The following DNAH14 variants were observed in gnomAD, a reference collection of about 807,000 sequenced individuals.
The protein encoded by DNAH14 is dynein axonemal heavy chain 14.
DNAH14 carries 478 observed loss-of-function variants against 520.9 expected under a neutral mutation model. That is an observed-to-expected ratio of 0.92 (90% confidence interval 0.85 to 0.99). The LOEUF (loss-of-function observed/expected upper bound fraction) is 0.99, where lower values mean the gene tolerates loss of function less well. Ranked by LOEUF, DNAH14 falls within the 50% of genes least tolerant of loss-of-function variation. DNAH14 has a pLI of 0.00. For synonymous variants in DNAH14, 1,581 were observed against 1,757.2 expected (o/e 0.90, Z 2.51); for missense variants, 4,831 against 5,234.5 (o/e 0.92, Z 2.38).
At chr1:225,143,530 A>G (rs1231839836) in intron 28 of DNAH14, among the ~76,000 whole-genome samples, 1 of 152,184 alleles carries the variant, frequency 6.6e-6, no homozygotes, top group East Asian at 1.9e-4. Context: ...ACATGATAGC[A>G]TATGTTGAGA....
chr1:225,315,765 G>A (rs1450654532), intron 60 of DNAH14, among the ~76,000 whole-genome samples: 1 of 152,344 alleles, frequency 6.6e-6, no homozygotes, highest in East Asian at 1.9e-4. Flanking sequence ...ACCAGCGAAG[G>A]CTGCAGAACA....
At chr1:225,221,578 T>G (rs1361461691) in intron 41 of DNAH14, among the ~76,000 whole-genome samples, 1 of 151,976 alleles carries the variant, frequency 6.6e-6, no homozygotes, top group Non-Finnish European at 1.5e-5. Context: ...ATTAGAAAAA[T>G]GCAAATCAAA....
Position 224,964,491 on chromosome 1 carries a change from A to C in DNAH14, c.380A>C (p.Asp127Ala), listed in dbSNP as rs1280864027. 6.2e-7 allele frequency: 1 copy of C among 1,608,730 alleles called. No homozygotes were observed. Among genetic ancestry groups the C allele is most frequent in the African/African-American group, 1.3e-5 (1 of 74,806 alleles). The change falls in exon 5 of 86, where the codon GAT becomes GCT. Residue 127 changes from aspartate (D) to alanine (A), a missense_variant. Physicochemically the swap from Asp to Ala is moderately radical, Grantham distance 126. Coordinates refer to ENST00000682510, the MANE Select transcript of DNAH14 (RefSeq NM_001367479.1). ...TGTTCTATACCAGAACCAAAAGATG[A>C]TGATGTGATAAGAAATATTATTAGG... is the stretch of plus-strand genomic sequence containing the variant. ...VSYDRTEPKD[D>A]DVIRNIIRLR...
At chr1:225,193,695 G>A (rs1484807503) in intron 38 of DNAH14, among the ~76,000 whole-genome samples, 2 of 152,044 alleles carry the variant, frequency 1.3e-5, no homozygotes, top group African/African-American at 2.4e-5. Context: ...GCAATTCCTA[G>A]CCAGAGCAAT....
At chr1:225,096,985 A>T (rs988784261) in intron 21 of DNAH14, 133 bp from the exon 22 acceptor site, 1 of 745,164 alleles carries the variant, frequency 1.3e-6, no homozygotes. Flanking sequence ...GTATTCATTT[A>T]TGTGACTTTC....
chr1:225,381,829 T>A (rs1303717918), intron 81 of DNAH14, among the ~76,000 whole-genome samples: 2 of 152,244 alleles, frequency 1.3e-5, no homozygotes, highest in Non-Finnish European at 2.9e-5. Context: ...GCAGTTCATG[T>A]CAAAGTAGGT....
intron 44 of DNAH14, 77 bp downstream of exon 44, chr1:225,252,494 AC>A (rs1310991282): frequency 1.3e-6 from 1 of 787,160 alleles, no homozygotes; most frequent in Non-Finnish European, 2.0e-6. Context: ...AATTATATCT[AC>A]TCTATTTATA....
intron 17 of DNAH14, among the ~76,000 whole-genome samples, chr1:225,059,485 G>A (rs201030246): frequency 3.3e-5 from 5 of 151,956 alleles, no homozygotes; most frequent in South Asian, 4.2e-4. Context: ...TATCCATTTT[G>A]CCAGTGTGTG....
At chr1:224,950,559 A>G (rs1281975123) in intron 1 of DNAH14, among the ~76,000 whole-genome samples, 1 of 152,224 alleles carries the variant, frequency 6.6e-6, no homozygotes, top group South Asian at 2.1e-4. Context: ...TTGATTAGTA[A>G]TGAGTTTGAG....
intron 10 of DNAH14, among the ~76,000 whole-genome samples, chr1:225,009,621 G>A (rs1393871988): frequency 6.6e-6 from 1 of 152,144 alleles, no homozygotes; most frequent in Non-Finnish European, 1.5e-5. Flanking sequence ...ATTTAAAGTA[G>A]TTTTTTCTAA....
chr1:225,203,134 A>G (rs2087079006), intron 38 of DNAH14, among the ~76,000 whole-genome samples: 1 of 152,108 alleles, frequency 6.6e-6, no homozygotes, highest in South Asian at 2.1e-4. Flanking sequence ...TTATTCTTGC[A>G]GTCATTCTGG....
At chr1:225,335,003 CATAT>C (rs1465670932) in intron 66 of DNAH14, among the ~76,000 whole-genome samples, 1 of 148,610 alleles carries the variant, frequency 6.7e-6, no homozygotes, top group Non-Finnish European at 1.5e-5. Flanking sequence ...TATATATACG[CATAT>C]ATACTTATAT....
intron 74 of DNAH14, 148 bp from the exon 75 acceptor site, chr1:225,360,533 A>C (rs1447601439): frequency 1.2e-5 from 9 of 753,390 alleles, no homozygotes; most frequent in Non-Finnish European, 1.9e-5. Context: ...ACCAAAATTT[A>C]AACTCTGGGC....
intron 8 of DNAH14, among the ~76,000 whole-genome samples, chr1:224,990,206 C>T (rs1160246377): frequency 2.0e-5 from 3 of 151,672 alleles, no homozygotes; most frequent in African/African-American, 4.9e-5. Flanking sequence ...AGATTATAGT[C>T]GTATATATTT....
chr1:225,138,640 T>C (rs1230952072), intron 27 of DNAH14, among the ~76,000 whole-genome samples: 1 of 152,132 alleles, frequency 6.6e-6, no homozygotes, highest in Non-Finnish European at 1.5e-5. Flanking sequence ...GGCATGGGCT[T>C]ACAAGGGGAT....
intron 8 of DNAH14, among the ~76,000 whole-genome samples, chr1:225,002,021 A>G (rs1169725770): frequency 6.6e-6 from 1 of 152,172 alleles, no homozygotes. Flanking sequence ...CCTCAACTGT[A>G]AAATAGAAAG....
At chr1:225,175,279 C>T (rs2083187160) in intron 36 of DNAH14, among the ~76,000 whole-genome samples, 1 of 152,134 alleles carries the variant, frequency 6.6e-6, no homozygotes. Flanking sequence ...GCAGTGAAGC[C>T]ATCACATCCT....
chr1:225,399,282 A>C lies in DNAH14; in HGVS notation c.*13A>C. The C allele has an allele frequency of 6.5e-7, 1 of 1,538,776 alleles. No individual in the cohort carries two copies. The highest frequency in any genetic ancestry group is 8.8e-7 in the Non-Finnish European group (1 of 1,136,044). On this transcript the variant is annotated 3_prime_UTR_variant, in exon 86 of 86. Coordinates refer to ENST00000682510, the MANE Select transcript of DNAH14 (RefSeq NM_001367479.1). ...GAATGAAAAATAAATGTCCATATCA[A>C]ACCATTTTAATTTTTGACTCTAATC...
At chr1:225,017,682 C>G (rs1558693773) in intron 10 of DNAH14, among the ~76,000 whole-genome samples, 1 of 152,340 alleles carries the variant, frequency 6.6e-6, no homozygotes, top group East Asian at 1.9e-4. Flanking sequence ...CTATTGCCTG[C>G]AGTCTGGGAG....
Sources: gnomAD v4.1 joint callset for allele counts (sites outside exome capture counted in the v4.1 genomes callset) on GRCh38, gnomAD v4.1.1 for gene constraint, MANE v1.5 for transcripts, NCBI Gene and HGNC (gene_info 2026-07-23, HGNC 2026-07-21) for gene names.